DOCK5: variants seen among roughly 807,000 people sequenced by gnomAD.
The protein encoded by DOCK5 is dedicator of cytokinesis protein 5.
DOCK5 carries 142 observed loss-of-function variants against 251.8 expected under a neutral mutation model. That is an observed-to-expected ratio of 0.56 (90% CI 0.49 to 0.65). The LOEUF (loss-of-function observed/expected upper bound fraction) is 0.65. Among genes scored for constraint, DOCK5 ranks in the 30% least tolerant of loss-of-function variants. The probability of loss-of-function intolerance (pLI) is 0.00; values close to 1 mark genes in which losing one functional copy is unlikely to be tolerated. For synonymous variants in DOCK5, 842 were observed against 835.5 expected (o/e 1.01, Z -0.13); for missense variants, 2,111 against 2,312.3 (o/e 0.91, Z 1.79).
In DOCK5 at chr8:25,325,421, A is replaced by T; in HGVS notation, c.1777A>T (p.Met593Leu). ...CTACCTGACCCTGCCTGGAACCAAG[A>T]TGGAGATGGAAGAAAAAGAGCTTCA... Reference protein sequence around the residue: ...KFYLTLPGTKMEMEEKELQAS... With the variant: ...KFYLTLPGTKLEMEEKELQAS... The change falls in exon 18 of 52, where the codon ATG becomes TTG. Residue 593 changes from methionine to leucine, a missense_variant. Coordinates refer to ENST00000276440, the MANE Select transcript of DOCK5 (RefSeq NM_024940.8). 6.2e-7 allele frequency: 1 copy of T among 1,614,020 alleles called. No homozygotes were observed. The highest frequency in any genetic ancestry group is 8.5e-7 in the Non-Finnish European group (1 of 1,179,882).
chr8:25,402,654 G>T (rs1036323166), intron 47 of DOCK5, among the ~76,000 whole-genome samples: 1 of 151,592 alleles, frequency 6.6e-6, no homozygotes, highest in African/African-American at 2.4e-5. Context: ...ATGTTGCCCA[G>T]GCTGGCCTCC....
At chr8:25,348,924 A>G (rs1586350865) in intron 26 of DOCK5, among the ~76,000 whole-genome samples, 1 of 152,156 alleles carries the variant, frequency 6.6e-6, no homozygotes, top group Non-Finnish European at 1.5e-5. Flanking sequence ...TATTCATTTC[A>G]TACCCTCCCC....
intron 4 of DOCK5, chr8:25,277,489 C>T (rs952358294): frequency 2.0e-5 from 3 of 151,864 alleles, no homozygotes; most frequent in African/African-American, 7.3e-5. Flanking sequence ...CTCCAGACTC[C>T]CAGATACAGC....
rs575829181 is a variant in DOCK5, at chr8:25,340,912, A to G, written c.2363A>G (p.Asn788Ser). The change falls in exon 23 of 52, where the codon AAT becomes AGT. Residue 788 changes from asparagine (N) to serine (S), a missense_variant. By Grantham distance (46) the Asn-to-Ser change is conservative (BLOSUM62 1). Coordinates refer to ENST00000276440, the MANE Select transcript of DOCK5 (RefSeq NM_024940.8). ...YGQSKDGDEF[N>S]NSIRQLFLAF... is the part of the protein sequence containing the mutation. ...CAGAGCAAAGATGGAGATGAGTTTA[A>G]TAATTCAATTCGCCAGTTATTTCTT... 1.2e-6 allele frequency: 2 copies of G among 1,613,788 alleles called. No individual in the cohort carries two copies. The highest frequency in any genetic ancestry group is 2.2e-5 in the South Asian group (2 of 90,964).
At chr8:25,359,785 G>T (rs1800644220) in intron 28 of DOCK5, among the ~76,000 whole-genome samples, 1 of 152,228 alleles carries the variant, frequency 6.6e-6, no homozygotes, top group Non-Finnish European at 1.5e-5. Context: ...TGCCAAAAAG[G>T]TTGGGGACTC....
chr8:25,266,154 C>T (rs1245547230), intron 2 of DOCK5, among the ~76,000 whole-genome samples: 1 of 151,730 alleles, frequency 6.6e-6, no homozygotes, highest in Non-Finnish European at 1.5e-5. Flanking sequence ...ATCCTGCGGA[C>T]CACTTCACAC....
chr8:25,396,763 CGTGTGTGTGTGTGTGTGTGTGTGT>C (rs5890230), intron 45 of DOCK5, among the ~76,000 whole-genome samples: 1 of 147,110 alleles, frequency 6.8e-6, no homozygotes, highest in African/African-American at 2.5e-5. Flanking sequence ...CTCTTGTGTC[CGTGTGTGTGTGTGTGTGTGTGTGT>C]GTGTGTGTGT....
chr8:25,395,544 A>T lies in DOCK5; in HGVS notation c.4529A>T (p.Glu1510Val). 6.2e-7 allele frequency: 1 copy of T among 1,608,544 alleles called. No individual in the cohort carries two copies. Among genetic ancestry groups the T allele is most frequent in the East Asian group, 2.2e-5 (1 of 44,816 alleles). ...TCTCCCATGTGCTCTGTCACTCAGG[A>T]AGAGATCAGTCCTCTGGAGAATGCC... ...KWFEVKQIST[E>V]EISPLENAIE... is the part of the protein sequence containing the mutation. The change falls in exon 45 of 52, where the codon GAA (glutamate) becomes GTA (valine). Residue 1510 changes from glutamate to valine, a missense_variant and splice_region_variant. This residue lies in a region of DOCK5 where 1,717 missense variants were observed against 1,892.4 expected (regional missense o/e 0.91). Coordinates refer to ENST00000276440, the MANE Select transcript of DOCK5 (RefSeq NM_024940.8).
chr8:25,285,292 C>G (rs549196362), intron 5 of DOCK5, among the ~76,000 whole-genome samples: 1 of 152,094 alleles, frequency 6.6e-6, no homozygotes, highest in South Asian at 2.1e-4. Context: ...ATTACAGGTG[C>G]GCATCACCAC....
In DOCK5 at chr8:25,227,116, C is replaced by T. The variant is rs563397200; in HGVS notation, c.44-16558C>T. Among the ~76,000 whole-genome samples, 44 of 152,182 alleles carry T rather than the reference C, an allele frequency of 2.9e-4. 1 individual carries two copies. The highest frequency in any genetic ancestry group is 2.8e-3 in the Admixed American group (43 of 15,280). ...TTATTGTGGTTGTTCTGACTTCTGC[C>T]GAATTTCAAAAAGTGTTGCTAGGTC... On this transcript the variant is annotated intron_variant, in intron 1 of 51. Coordinates refer to ENST00000276440, the MANE Select transcript of DOCK5 (RefSeq NM_024940.8).
Position 25,340,929 on chromosome 8 carries a change from T to G in DOCK5, c.2380T>G (p.Leu794Val), listed in dbSNP as rs1213442094. ...TGAGTTTAATAATTCAATTCGCCAG[T>G]TATTTCTTGCTTTCAATATGCTGAT... ...GDEFNNSIRQ[L>V]FLAFNMLMDR... The change falls in exon 23 of 52, where the codon TTA becomes GTA. Residue 794 changes from leucine (L) to valine (V), a missense_variant. By Grantham distance (32) the Leu-to-Val change is conservative. Coordinates refer to ENST00000276440, the MANE Select transcript of DOCK5 (RefSeq NM_024940.8). 1 of 1,613,714 alleles carries G rather than the reference T, an allele frequency of 6.2e-7. No homozygotes were observed. Among genetic ancestry groups the G allele is most frequent in the Non-Finnish European group, 8.5e-7 (1 of 1,179,778 alleles).
rs752797751 is a variant in DOCK5, at chr8:25,340,928, G to A, written c.2379G>A (p.Gln793=). ...DGDEFNNSIR[Q]LFLAFNMLMD... ...ATGAGTTTAATAATTCAATTCGCCA[G>A]TTATTTCTTGCTTTCAATATGCTGA... Residue 793 remains glutamine, a synonymous_variant, in exon 23 of 52, where the codon CAG becomes CAA. Coordinates refer to ENST00000276440, the MANE Select transcript of DOCK5 (RefSeq NM_024940.8). 1 of 1,613,676 alleles carries A rather than the reference G, an allele frequency of 6.2e-7. No homozygotes were observed. Among genetic ancestry groups the A allele is most frequent in the Non-Finnish European group, 8.5e-7 (1 of 1,179,776 alleles).
chr8:25,331,892 G>A (rs1805692532), intron 18 of DOCK5, among the ~76,000 whole-genome samples: 1 of 149,696 alleles, frequency 6.7e-6, no homozygotes, highest in African/African-American at 2.5e-5. Flanking sequence ...CCAGACATAG[G>A]TAGTGATAAG....
rs1801385987 is a variant in DOCK5, at chr8:25,184,808, C to CGGAAGCGTCTGGGGCACGCA, written c.-97_-78dup. 4 of 1,105,198 alleles carry CGGAAGCGTCTGGGGCACGCA rather than the reference C, an allele frequency of 3.6e-6. No homozygotes were observed. Among genetic ancestry groups the CGGAAGCGTCTGGGGCACGCA allele is most frequent in the Non-Finnish European group, 3.5e-6 (3 of 867,592 alleles). 68.5% of individuals were successfully genotyped at this position (1,105,198 alleles called of 1,614,324 possible). A position where few individuals can be genotyped will look rare whatever the true frequency, so the allele number is the denominator to read the frequency against. ...TCCAGCGAAGTTTGGCGGAACATGG[C>CGGAAGCGTCTGGGGCACGCA]GGAAGCGTCTGGGGCACGCAGGAGC... On this transcript the variant is annotated 5_prime_UTR_variant, in exon 1 of 52. An upstream open reading frame in the 5' UTR loses its in-frame stop. Coordinates refer to ENST00000276440, the MANE Select transcript of DOCK5 (RefSeq NM_024940.8).
At chr8:25,269,535 A>G (rs1327343301) in intron 3 of DOCK5, among the ~76,000 whole-genome samples, 1 of 152,232 alleles carries the variant, frequency 6.6e-6, no homozygotes, top group Non-Finnish European at 1.5e-5. Flanking sequence ...ATAAGAATGT[A>G]TCTTTTACTG....
Position 25,351,722 on chromosome 8 carries a change from TC to T in DOCK5, c.2755-6del, listed in dbSNP as rs2117249987. On this transcript the variant is annotated splice_polypyrimidine_tract_variant and splice_region_variant and intron_variant, in intron 26 of 51. Coordinates refer to ENST00000276440, the MANE Select transcript of DOCK5 (RefSeq NM_024940.8). ...GAAGGAATGGAGTCAAATCCTGTGT[TC>T]CCTGCAGGGTGCCACTGCGGTGCAC... is the stretch of plus-strand genomic sequence containing the variant. 1 of 1,611,034 alleles carries T rather than the reference TC, an allele frequency of 6.2e-7. No individual in the cohort carries two copies. The highest frequency in any genetic ancestry group is 2.2e-5 in the East Asian group (1 of 44,840).
At chr8:25,243,900 A>C in intron 2 of DOCK5, 143 bp downstream of exon 2, 1 of 751,320 alleles carries the variant, frequency 1.3e-6, no homozygotes, top group Non-Finnish European at 2.2e-6. Context: ...CTTGGGTGAC[A>C]CAATTTTGAA....
chr8:25,342,691 GTTTT>G (rs1201632677), intron 25 of DOCK5, among the ~76,000 whole-genome samples, 184 bp downstream of exon 25: 3 of 72,068 alleles, frequency 4.2e-5, no homozygotes, highest in Non-Finnish European at 7.3e-5. Context: ...GTTTTTTCTT[GTTTT>G]TTTTTTTTTT....
At chr8:25,334,767 TCA>T (rs1272190158) in intron 21 of DOCK5, among the ~76,000 whole-genome samples, 1 of 149,772 alleles carries the variant, frequency 6.7e-6, no homozygotes, top group East Asian at 2.0e-4. Context: ...ACCCAGGATC[TCA>T]GAGGTTGAAT....
Sources: allele counts gnomAD v4.1 joint callset (sites outside exome capture counted in the v4.1 genomes callset), GRCh38; gene constraint gnomAD v4.1.1; regional missense constraint gnomAD v4.1.1; transcripts MANE v1.5; gene names NCBI Gene and HGNC (gene_info 2026-07-23, HGNC 2026-07-21).